Variants in KLRG2 observed in about 807,000 individuals in gnomAD.
The protein encoded by KLRG2 is killer cell lectin like receptor G2.
Under a neutral mutation model 35.4 loss-of-function variants are expected in KLRG2, and 39 were observed. That is an observed-to-expected ratio of 1.10 (90% CI 0.85 to 1.44). The LOEUF (loss-of-function observed/expected upper bound fraction) is 1.44, where lower values mean the gene tolerates loss of function less well. KLRG2 is among the 40% of genes most tolerant of loss of function. KLRG2 has a pLI of 0.00. For missense variants in KLRG2, 632 were observed against 570.9 expected (o/e 1.11, Z -1.09); for synonymous variants, 283 against 265.8 (o/e 1.06, Z -0.63).
chr7:139,482,882 T>C lies in KLRG2; in HGVS notation c.757+4A>G, dbSNP rs752570978. ...GTCGGCTGCCGGCGCAGGTGAGCAC[T>C]CACCCGTAAGCGTTACGGCCCGGGG... is the stretch of plus-strand genomic sequence containing the variant. On this transcript the variant is annotated splice_donor_region_variant and intron_variant, in intron 1 of 4. Transcript: ENST00000340940. 2.3e-5 allele frequency: 34 copies of C among 1,451,450 alleles called. No homozygotes were observed. The highest frequency in any genetic ancestry group is 2.8e-5 in the Non-Finnish European group (31 of 1,112,666). The allele number at this position is 1,451,450 out of a possible 1,614,324, so 89.9% of individuals were successfully genotyped here. A position where few individuals can be genotyped will look rare whatever the true frequency, so the allele number is the denominator to read the frequency against.
At chr7:139,451,868 T>C (rs1585159659), downstream of KLRG2, among the ~76,000 whole-genome samples, 2 of 151,554 alleles carry the variant, frequency 1.3e-5, no homozygotes, top group African/African-American at 2.4e-5. Context: ...ATGGGGGCGG[T>C]AACATACACA....
chr7:139,433,624 C>CCTTTTTTT, the KLRG2 span, among the ~76,000 whole-genome samples: 1 of 135,568 alleles, frequency 7.4e-6, no homozygotes, highest in South Asian at 2.2e-4. Context: ...CTGCGCCCGG[C>CCTTTTTTT]CTTTTTTTTT....
chr7:139,441,019 A>G, the KLRG2 span, among the ~76,000 whole-genome samples: 3 of 152,202 alleles, frequency 2.0e-5, no homozygotes, highest in Admixed American at 6.5e-5. Context: ...CGAGGTGGGC[A>G]GATCACCTGA....
the KLRG2 span, among the ~76,000 whole-genome samples, chr7:139,433,212 G>A: frequency 6.6e-6 from 1 of 152,114 alleles, no homozygotes; most frequent in Admixed American, 6.6e-5. Context: ...AAACAAAAAT[G>A]TTCCAGATTT....
downstream of KLRG2, among the ~76,000 whole-genome samples, chr7:139,451,866 G>T (rs1056526636): frequency 6.6e-6 from 1 of 151,992 alleles, no homozygotes; most frequent in Admixed American, 6.6e-5. Context: ...GGATGGGGGC[G>T]GTAACATACA....
At chr7:139,439,953 C>A in the KLRG2 span, among the ~76,000 whole-genome samples, 1 of 152,198 alleles carries the variant, frequency 6.6e-6, no homozygotes, top group East Asian at 1.9e-4. Context: ...AAAACCAAGG[C>A]ATGAGCAGGG....
chr7:139,452,028 G>A (rs557191986), downstream of KLRG2, among the ~76,000 whole-genome samples: 164 of 149,536 alleles, frequency 1.1e-3, no homozygotes, highest in Admixed American at 2.4e-3. Flanking sequence ...CAGTGCAGTG[G>A]CACAATCTCG....
chr7:139,448,789 A>T (rs2116412280), downstream of KLRG2: 1 of 152,284 alleles, frequency 6.6e-6, no homozygotes, highest in Non-Finnish European at 1.5e-5. Context: ...TACAGAGATT[A>T]GCATGGCTGC....
chr7:139,446,102 C>CAA, the KLRG2 span, among the ~76,000 whole-genome samples: 2 of 151,492 alleles, frequency 1.3e-5, no homozygotes, highest in East Asian at 2.0e-4. Flanking sequence ...CTCGGCCTCC[C>CAA]AGTGCTGGGA....
At chr7:139,477,612 G>A (rs1459498273) in intron 3 of KLRG2, among the ~76,000 whole-genome samples, 1 of 152,112 alleles carries the variant, frequency 6.6e-6, no homozygotes, top group Non-Finnish European at 1.5e-5. Context: ...GTGTTTAGAG[G>A]GGTTAGAGTT....
downstream of KLRG2, among the ~76,000 whole-genome samples, chr7:139,450,217 T>G (rs561841428): frequency 4.7e-5 from 7 of 148,646 alleles, no homozygotes; most frequent in Admixed American, 6.7e-5. Flanking sequence ...TAATGTTTGT[T>G]TTTTTTTTTG....
chr7:139,471,175 ACATAT>A (rs1483484503), intron 3 of KLRG2, among the ~76,000 whole-genome samples: 1 of 152,112 alleles, frequency 6.6e-6, no homozygotes, highest in Admixed American at 6.6e-5. Context: ...AGACAAAGTT[ACATAT>A]CATAGAAAAA....
At chr7:139,457,600 C>T (rs910528975) in intron 3 of KLRG2, among the ~76,000 whole-genome samples, 1 of 152,166 alleles carries the variant, frequency 6.6e-6, no homozygotes, top group South Asian at 2.1e-4. Flanking sequence ...AAGCCTGTGA[C>T]CTGCCTCCTA....
the KLRG2 span, among the ~76,000 whole-genome samples, chr7:139,439,138 T>C: frequency 6.6e-6 from 1 of 152,178 alleles, no homozygotes; most frequent in East Asian, 1.9e-4. Context: ...CACCCCAGAC[T>C]GGAGACAAGA....
At chr7:139,451,396 A>C (rs1351283302), downstream of KLRG2, among the ~76,000 whole-genome samples, 6 of 152,046 alleles carry the variant, frequency 3.9e-5, no homozygotes. Context: ...GCTACTCAGG[A>C]GGCTGAGGCA....
chr7:139,433,486 C>T, the KLRG2 span, among the ~76,000 whole-genome samples: 6 of 152,076 alleles, frequency 3.9e-5, no homozygotes, highest in South Asian at 2.1e-4. Context: ...CCACCACACC[C>T]GGCTAATTTT....
chr7:139,483,594 G>A lies in KLRG2; in HGVS notation c.49C>T (p.Leu17Phe). Reference sequence around the variant, plus strand: ...AGGCTTCCCACGGGCTCCATTGGGAGCTCTGCCCCGGCTTGGCCTCCGGGC... The same window carrying A: ...AGGCTTCCCACGGGCTCCATTGGGAACTCTGCCCCGGCTTGGCCTCCGGGC... ...AAPGGQAGAELPMEPVGSLVP... is the reference protein window; with the variant it reads ...AAPGGQAGAEFPMEPVGSLVP... The change falls in exon 1 of 5, where the codon CTC becomes TTC. Residue 17 changes from leucine (L) to phenylalanine (F), a missense_variant. By Grantham distance (22) the Leu-to-Phe change is conservative. Transcript: ENST00000340940. 1 of 1,591,800 alleles carries A rather than the reference G, an allele frequency of 6.3e-7. No individual in the cohort carries two copies. Among genetic ancestry groups the A allele is most frequent in the Non-Finnish European group, 8.5e-7 (1 of 1,176,646 alleles).
At chr7:139,463,871 C>T (rs1796610061) in intron 3 of KLRG2, among the ~76,000 whole-genome samples, 1 of 152,186 alleles carries the variant, frequency 6.6e-6, no homozygotes, top group Non-Finnish European at 1.5e-5. Flanking sequence ...AATACTGAGG[C>T]TACCCACTCC....
chr7:139,477,790 G>T (rs1397820033), intron 3 of KLRG2, among the ~76,000 whole-genome samples: 1 of 151,160 alleles, frequency 6.6e-6, no homozygotes, highest in Non-Finnish European at 1.5e-5. Context: ...ACGGAGTCCC[G>T]CTCTTTAGCC....
Sources: gnomAD v4.1 joint callset for allele counts (sites outside exome capture counted in the v4.1 genomes callset) on GRCh38, gnomAD v4.1.1 for gene constraint, MANE v1.5 for transcripts, NCBI Gene and HGNC (gene_info 2026-07-23, HGNC 2026-07-21) for gene names.